The following SCHIP1 variants were observed in gnomAD, a reference collection of about 807,000 sequenced individuals.
SCHIP1 encodes schwannomin-interacting protein 1.
Under a neutral mutation model 29.7 loss-of-function variants are expected in SCHIP1, and 8 were observed. The observed-to-expected ratio is 0.27, with a 90% confidence interval of 0.16 to 0.49. The LOEUF (loss-of-function observed/expected upper bound fraction) is 0.49, where lower values mean the gene tolerates loss of function less well. Among genes scored for constraint, SCHIP1 ranks in the 20% least tolerant of loss-of-function variants. The probability of loss-of-function intolerance (pLI) is 0.99; values close to 1 mark genes in which losing one functional copy is unlikely to be tolerated. For synonymous variants in SCHIP1, 76 were observed against 94.9 expected, an observed-to-expected ratio of 0.80 and a Z score of 1.16; for missense variants, 193 against 294.6, an observed-to-expected ratio of 0.66 and a Z score of 2.52.
At chr3:159,764,745 G>T in the SCHIP1 span, 1 of 1,572,420 alleles carries the variant, frequency 6.4e-7, no homozygotes, top group South Asian at 1.2e-5. The surrounding 1 kb of genome is among the most constrained non-coding windows in gnomAD (Gnocchi z 6.1). Flanking sequence ...CCCGGGAACC[G>T]GGGGACGTAA....
At chr3:159,631,787 A>G in the SCHIP1 span, among the ~76,000 whole-genome samples, 1 of 152,174 alleles carries the variant, frequency 6.6e-6, no homozygotes, top group Admixed American at 6.5e-5. Context: ...GTGCCACTGA[A>G]TTTTACACTT....
the SCHIP1 span, chr3:159,282,794 A>G: frequency 0.029 from 4,424 of 152,200 alleles, 142 homozygotes; most frequent in African/African-American, 0.082. Context: ...TACCTTCATG[A>G]ATAGACATGG....
the SCHIP1 span, among the ~76,000 whole-genome samples, chr3:159,527,200 A>G: frequency 4.6e-5 from 7 of 152,298 alleles, no homozygotes; most frequent in African/African-American, 1.4e-4. Context: ...ACAAATGATC[A>G]ACCTCATAAC....
the SCHIP1 span, among the ~76,000 whole-genome samples, chr3:159,574,911 C>T: frequency 6.6e-6 from 1 of 152,246 alleles, no homozygotes; most frequent in Admixed American, 6.5e-5. Flanking sequence ...CCTGCCAAGA[C>T]AGGCATAGGA....
the SCHIP1 span, among the ~76,000 whole-genome samples, chr3:159,505,067 C>A: frequency 6.6e-6 from 1 of 152,128 alleles, no homozygotes; most frequent in Non-Finnish European, 1.5e-5. Flanking sequence ...CAGAAGAGAG[C>A]AAGGTGCGTT....
the SCHIP1 span, among the ~76,000 whole-genome samples, chr3:159,587,027 T>G: frequency 6.6e-6 from 1 of 152,180 alleles, no homozygotes; most frequent in Non-Finnish European, 1.5e-5. Context: ...GCTGTTTGTT[T>G]CTAAGTCTCT....
At chr3:159,507,511 G>A in the SCHIP1 span, among the ~76,000 whole-genome samples, 1 of 152,190 alleles carries the variant, frequency 6.6e-6, no homozygotes, top group African/African-American at 2.4e-5. Flanking sequence ...AGGTTGAATA[G>A]GAGTGGTGAG....
the SCHIP1 span, among the ~76,000 whole-genome samples, chr3:159,425,313 C>T: frequency 2.6e-5 from 4 of 151,848 alleles, no homozygotes; most frequent in South Asian, 6.3e-4. Flanking sequence ...CATGCAGAGA[C>T]ACACATAGGC....
At chr3:159,751,593 G>A in the SCHIP1 span, among the ~76,000 whole-genome samples, 1 of 150,874 alleles carries the variant, frequency 6.6e-6, no homozygotes, top group Non-Finnish European at 1.5e-5. Flanking sequence ...CACACAGGCT[G>A]GAGTGCAGTG....
the SCHIP1 span, among the ~76,000 whole-genome samples, chr3:159,476,101 G>GT: frequency 6.7e-6 from 1 of 149,560 alleles, no homozygotes; most frequent in Non-Finnish European, 1.5e-5. Context: ...AGAATCTTTG[G>GT]TTGAAGGGCC....
chr3:159,785,835 A>C, the SCHIP1 span, among the ~76,000 whole-genome samples: 1 of 152,236 alleles, frequency 6.6e-6, no homozygotes, highest in Non-Finnish European at 1.5e-5. Context: ...AGAGCTATCC[A>C]TCACTGGGGC....
At chr3:159,761,878 G>A in the SCHIP1 span, among the ~76,000 whole-genome samples, 1 of 152,182 alleles carries the variant, frequency 6.6e-6, no homozygotes, top group Admixed American at 6.5e-5. Context: ...AGCTCAGAGG[G>A]AGTCTGGGTG....
At chr3:159,799,696 G>C in the SCHIP1 span, among the ~76,000 whole-genome samples, 1 of 152,228 alleles carries the variant, frequency 6.6e-6, no homozygotes, top group Non-Finnish European at 1.5e-5. Context: ...TTGCCATACA[G>C]TCTGGTGGGA....
At chr3:159,863,335 T>C (rs1380518586) in intron 1 of SCHIP1, among the ~76,000 whole-genome samples, 8 of 147,056 alleles carry the variant, frequency 5.4e-5, no homozygotes, top group Admixed American at 1.3e-4. Context: ...CGAGACTCCA[T>C]CTCACCAAAA....
At chr3:159,426,020 A>C in the SCHIP1 span, among the ~76,000 whole-genome samples, 1 of 152,150 alleles carries the variant, frequency 6.6e-6, no homozygotes, top group Non-Finnish European at 1.5e-5. Context: ...ACATACCAGA[A>C]TCTCTGGGAC....
At chr3:159,744,419 C>T in the SCHIP1 span, among the ~76,000 whole-genome samples, 1 of 152,212 alleles carries the variant, frequency 6.6e-6, no homozygotes, top group Non-Finnish European at 1.5e-5. Context: ...TTCTTTCTCT[C>T]TCTCTGTCTG....
the SCHIP1 span, chr3:159,273,768 T>C: frequency 6.2e-7 from 1 of 1,604,768 alleles, no homozygotes; most frequent in Non-Finnish European, 8.5e-7. Flanking sequence ...TCAAAGCCAA[T>C]TTGAATAAAC....
chr3:159,375,155 AGAGT>A, the SCHIP1 span, among the ~76,000 whole-genome samples: 1 of 152,246 alleles, frequency 6.6e-6, no homozygotes, highest in African/African-American at 2.4e-5. Flanking sequence ...GGAATAAAAG[AGAGT>A]GTCCTCAGGG....
At chr3:159,877,626 C>CTTCA (rs1210713814) in intron 2 of SCHIP1, among the ~76,000 whole-genome samples, 2 of 152,168 alleles carry the variant, frequency 1.3e-5, no homozygotes, top group African/African-American at 4.8e-5. Flanking sequence ...TTTTCGCCTA[C>CTTCA]TTCAGGAATA....
Sources: allele counts gnomAD v4.1 joint callset (sites outside exome capture counted in the v4.1 genomes callset), GRCh38; gene constraint gnomAD v4.1.1; non-coding constraint Gnocchi (gnomAD v3.1); transcripts MANE v1.5; gene names NCBI Gene and HGNC (gene_info 2026-07-23, HGNC 2026-07-21).